The following PCDHA13 variants were observed in gnomAD, a reference collection of about 807,000 sequenced individuals.
The protein encoded by PCDHA13 is protocadherin alpha-13.
PCDHA13 carries 54 observed loss-of-function variants against 64.8 expected under a neutral mutation model. The observed-to-expected ratio is 0.83, with a 90% confidence interval of 0.67 to 1.04. The LOEUF (loss-of-function observed/expected upper bound fraction) is 1.04, where lower values mean the gene tolerates loss of function less well. Among genes scored for constraint, PCDHA13 ranks in the 50% least tolerant of loss-of-function variants. PCDHA13 has a pLI of 0.00. For synonymous variants in PCDHA13, 587 were observed against 564.4 expected, an observed-to-expected ratio of 1.04 and a Z score of -0.57; for missense variants, 1,248 against 1,254.3, an observed-to-expected ratio of 0.99 and a Z score of 0.08.
At position 141,011,939 on chromosome 5, in the gene PCDHA13, A is replaced by T. The variant is rs955936849; in HGVS notation, c.*2002A>T. 5 of 153,690 alleles carry T rather than the reference A, an allele frequency of 3.3e-5. No individual in the cohort carries two copies. The highest frequency in any genetic ancestry group is 1.2e-4 in the African/African-American group (5 of 41,448). The allele number at this position is 153,690 out of a possible 1,614,324, so 9.5% of individuals were successfully genotyped here. A position where few individuals can be genotyped will look rare whatever the true frequency, so the allele number is the denominator to read the frequency against. On this transcript the variant is annotated 3_prime_UTR_variant, in exon 4 of 4. Coordinates refer to ENST00000289272, the MANE Select transcript of PCDHA13 (RefSeq NM_018904.3). ...TAAAAGAGGTAGGAGTCTGTTATTT[A>T]AAAAAAGCATTAAATTTAAAAAAAA...
intron 3 of PCDHA13, among the ~76,000 whole-genome samples, chr5:140,991,890 T>A (rs1192590580): frequency 1.3e-5 from 2 of 152,192 alleles, no homozygotes; most frequent in Non-Finnish European, 2.9e-5. Context: ...CCATAACAAA[T>A]TAACACAAAA....
chr5:140,899,485 G>T (rs2067355642), intron 1 of PCDHA13, among the ~76,000 whole-genome samples: 2 of 152,140 alleles, frequency 1.3e-5, no homozygotes, highest in African/African-American at 4.8e-5. Flanking sequence ...TTATATGCTG[G>T]ATTACATTTA....
At position 140,977,766 on chromosome 5, in the gene PCDHA13, G is replaced by C. The variant is rs559146656; in HGVS notation, c.2395-1183G>C. ...AAGAAATGTGTTTATTAAATACTTTGCATCCCTTAAAGGAACTATATGAAT... is the reference window on the plus strand; with the variant it reads ...AAGAAATGTGTTTATTAAATACTTTCCATCCCTTAAAGGAACTATATGAAT... On this transcript the variant is annotated intron_variant, in intron 1 of 3. Coordinates refer to ENST00000289272, the MANE Select transcript of PCDHA13 (RefSeq NM_018904.3). Among the ~76,000 whole-genome samples, 3 of 152,272 alleles carry C rather than the reference G, an allele frequency of 2.0e-5. No homozygotes were observed. In the South Asian group the frequency reaches 6.2e-4, roughly 32 times the overall value.
At chr5:140,975,093 T>C (rs578045924) in intron 1 of PCDHA13, among the ~76,000 whole-genome samples, 2 of 152,266 alleles carry the variant, frequency 1.3e-5, no homozygotes, top group South Asian at 2.1e-4. Context: ...ATCCAGTTGT[T>C]TGGGGACTGA....
At chr5:140,984,964 G>A (rs930753325) in intron 3 of PCDHA13, among the ~76,000 whole-genome samples, 1 of 151,936 alleles carries the variant, frequency 6.6e-6, no homozygotes. Context: ...TTGAGACAGA[G>A]TCTCGCTCTG....
chr5:140,952,028 T>C (rs2094677235), intron 1 of PCDHA13, among the ~76,000 whole-genome samples: 1 of 152,164 alleles, frequency 6.6e-6, no homozygotes, highest in Non-Finnish European at 1.5e-5. Flanking sequence ...AAGTCCGAAA[T>C]CCAGTAGGGC....
chr5:140,902,413 C>T (rs2069433988), intron 1 of PCDHA13, among the ~76,000 whole-genome samples: 1 of 152,014 alleles, frequency 6.6e-6, no homozygotes, highest in African/African-American at 2.4e-5. Context: ...TGTTGAATAA[C>T]AGTGGTGAAA....
chr5:140,898,464 T>C (rs2066757130), intron 1 of PCDHA13, among the ~76,000 whole-genome samples: 1 of 152,198 alleles, frequency 6.6e-6, no homozygotes, highest in Admixed American at 6.5e-5. Flanking sequence ...CCCCATTGCT[T>C]GTTTTTCTCA....
chr5:140,987,358 T>C (rs1554249108), intron 3 of PCDHA13, among the ~76,000 whole-genome samples: 2 of 152,208 alleles, frequency 1.3e-5, no homozygotes, highest in Non-Finnish European at 2.9e-5. Context: ...CCTGAGGTTG[T>C]CTTATATCAT....
chr5:140,927,974 T>C (rs1554205324), intron 1 of PCDHA13: 3 of 1,614,098 alleles, frequency 1.9e-6, no homozygotes, highest in Non-Finnish European at 2.5e-6. Context: ...GTGATTGCTC[T>C]CTTTAGTGTA....
intron 1 of PCDHA13, chr5:140,968,014 A>G: frequency 6.2e-7 from 1 of 1,614,194 alleles, no homozygotes; most frequent in Non-Finnish European, 8.5e-7. Flanking sequence ...ATGGCTTTGG[A>G]AACTCCTATA....
At chr5:140,920,415 G>A (rs1229102806) in intron 1 of PCDHA13, among the ~76,000 whole-genome samples, 4 of 152,002 alleles carry the variant, frequency 2.6e-5, no homozygotes, top group Non-Finnish European at 5.9e-5. Flanking sequence ...ATCAGATACA[G>A]CTGTTCTCCC....
At chr5:140,982,585 A>G (rs782780327) in intron 3 of PCDHA13, 22 bp downstream of exon 3, 1 of 1,611,974 alleles carries the variant, frequency 6.2e-7, no homozygotes, top group Non-Finnish European at 8.5e-7. Context: ...GGGTCTCTCC[A>G]TTCTTTCTTG....
intron 1 of PCDHA13, among the ~76,000 whole-genome samples, chr5:140,911,000 C>T (rs139648608): frequency 1.9e-3 from 291 of 152,218 alleles, no homozygotes; most frequent in African/African-American, 6.7e-3. Context: ...ACCCCTAGGG[C>T]CCTCCTGGGA....
intron 1 of PCDHA13, among the ~76,000 whole-genome samples, chr5:140,904,267 A>C (rs2070997540): frequency 6.6e-6 from 1 of 152,016 alleles, no homozygotes; most frequent in South Asian, 2.1e-4. Context: ...CCCACTTATG[A>C]ATGAGAACAT....
intron 1 of PCDHA13, chr5:140,966,728 TCCG>T (rs1554228593): frequency 2.8e-6 from 4 of 1,404,870 alleles, no homozygotes; most frequent in Non-Finnish European, 3.7e-6. Flanking sequence ...AGCTGCCGCC[TCCG>T]GCCCTGCCCG....
At chr5:140,946,277 AT>A (rs1554217463) in intron 1 of PCDHA13, among the ~76,000 whole-genome samples, 1 of 152,068 alleles carries the variant, frequency 6.6e-6, no homozygotes, top group Non-Finnish European at 1.5e-5. Flanking sequence ...TAAAACCCCA[AT>A]GAGATATCAC....
intron 3 of PCDHA13, among the ~76,000 whole-genome samples, chr5:140,982,945 G>A (rs2097017253): frequency 6.6e-6 from 1 of 151,722 alleles, no homozygotes; most frequent in Non-Finnish European, 1.5e-5. Flanking sequence ...TTTGGTTGAA[G>A]ACTATGGAAA....
intron 1 of PCDHA13, among the ~76,000 whole-genome samples, chr5:140,916,423 G>A (rs915446945): frequency 6.6e-6 from 1 of 152,174 alleles, no homozygotes; most frequent in Non-Finnish European, 1.5e-5. Context: ...GCACATCTCA[G>A]AACCTAAGGC....
Sources: allele counts gnomAD v4.1 joint callset (sites outside exome capture counted in the v4.1 genomes callset), GRCh38; gene constraint gnomAD v4.1.1; transcripts MANE v1.5; gene names NCBI Gene and HGNC (gene_info 2026-07-23, HGNC 2026-07-21).